SLC8A3: variants seen among roughly 807,000 people sequenced by gnomAD.
SLC8A3 encodes solute carrier family 8 member A3.
Under a neutral mutation model 65.4 loss-of-function variants are expected in SLC8A3, and 37 were observed. The observed-to-expected ratio is 0.57, with a 90% CI of 0.44 to 0.74. The LOEUF is 0.74. Ranked by LOEUF, SLC8A3 falls within the 30% of genes least tolerant of loss-of-function variation. The pLI is 0.00. For missense variants in SLC8A3, 1,112 were observed against 1,172.1 expected, an observed-to-expected ratio of 0.95 and a Z score of 0.75; for synonymous variants, 461 against 444.5, an observed-to-expected ratio of 1.04 and a Z score of -0.47.
chr14:70,133,850 G>A (rs949175613), intron 2 of SLC8A3, among the ~76,000 whole-genome samples: 2 of 152,144 alleles, frequency 1.3e-5, no homozygotes, highest in Non-Finnish European at 2.9e-5. Flanking sequence ...TTGGGTCAAT[G>A]GTGGGTTTCT....
intron 2 of SLC8A3, among the ~76,000 whole-genome samples, chr14:70,140,442 A>G (rs1054380315): frequency 2.0e-5 from 3 of 152,198 alleles, no homozygotes; most frequent in African/African-American, 7.2e-5. Context: ...CATGGCTCTG[A>G]ACTCCTGCAG....
At chr14:70,180,289 T>C (rs1223191622) in intron 1 of SLC8A3, among the ~76,000 whole-genome samples, 1 of 152,248 alleles carries the variant, frequency 6.6e-6, no homozygotes, top group East Asian at 1.9e-4. Flanking sequence ...TGTTGAAATA[T>C]GGAATTAAAT....
At chr14:70,050,023 G>T (rs227434) in intron 5 of SLC8A3, among the ~76,000 whole-genome samples, 85,385 of 152,124 alleles carry the variant, frequency 0.56, 25,613 homozygotes, top group African/African-American at 0.8. Context: ...AGAAGCTGGG[G>T]TTTGAAAGAA....
At chr14:70,072,595 GTCCATCCA>G (rs36178413) in intron 2 of SLC8A3, among the ~76,000 whole-genome samples, 9,992 of 149,690 alleles carry the variant, frequency 0.067, 334 homozygotes, top group African/African-American at 0.083. Context: ...CTATCTATCC[GTCCATCCA>G]TCCATCCATC....
chr14:70,142,809 G>A (rs779151744), intron 2 of SLC8A3, among the ~76,000 whole-genome samples: 3 of 152,084 alleles, frequency 2.0e-5, no homozygotes, highest in South Asian at 2.1e-4. Context: ...AGGTTCTGTC[G>A]TATGTATTGA....
chr14:70,092,642 C>T (rs1023947080), intron 2 of SLC8A3, among the ~76,000 whole-genome samples: 1 of 152,146 alleles, frequency 6.6e-6, no homozygotes, highest in African/African-American at 2.4e-5. Context: ...CCTAAATGTT[C>T]TCTGACAGTC....
intron 2 of SLC8A3, among the ~76,000 whole-genome samples, chr14:70,073,902 A>T (rs554170514): frequency 1.3e-5 from 2 of 152,228 alleles, no homozygotes; most frequent in Non-Finnish European, 2.9e-5. Context: ...GAGAAAGCCC[A>T]TATTTCTGGT....
At chr14:70,169,167 A>G (rs994392651) in intron 1 of SLC8A3, among the ~76,000 whole-genome samples, 6 of 152,274 alleles carry the variant, frequency 3.9e-5, no homozygotes, top group Admixed American at 3.9e-4. Flanking sequence ...TTGAAAACTG[A>G]GCTCCCTTGG....
intron 2 of SLC8A3, among the ~76,000 whole-genome samples, chr14:70,114,166 A>G (rs1204840339): frequency 6.6e-6 from 1 of 152,198 alleles, no homozygotes; most frequent in East Asian, 1.9e-4. Context: ...GGAAGAAATA[A>G]TTTGAGCAGG....
At chr14:70,055,303 A>G (rs1585376) in intron 3 of SLC8A3, among the ~76,000 whole-genome samples, 5,264 of 152,268 alleles carry the variant, frequency 0.035, 122 homozygotes, top group Admixed American at 0.051. Flanking sequence ...GATCTCCAGG[A>G]CTGGTAAAAT....
chr14:70,185,389 A>G (rs1398013711), intron 1 of SLC8A3, among the ~76,000 whole-genome samples: 1 of 152,262 alleles, frequency 6.6e-6, no homozygotes, highest in Admixed American at 6.5e-5. Context: ...GCCTACTATC[A>G]GTGCCCATAA....
At chr14:70,145,253 T>C (rs920636530) in intron 2 of SLC8A3, among the ~76,000 whole-genome samples, 5 of 152,232 alleles carry the variant, frequency 3.3e-5, no homozygotes, top group African/African-American at 9.6e-5. Flanking sequence ...TGAATAAGTA[T>C]TGGGGAAGAA....
At position 70,128,498 on chromosome 14, in the gene SLC8A3, A is replaced by G. The variant is rs572432261; in HGVS notation, c.1784+38141T>C. On this transcript the variant is annotated intron_variant, in intron 2 of 6. Transcript: ENST00000356921. Reference sequence around the variant, plus strand: ...CTTGACCAAAAATGTCCTTCCTTCCATACTACCATGACAAAGCCCTACTTT... The same window carrying G: ...CTTGACCAAAAATGTCCTTCCTTCCGTACTACCATGACAAAGCCCTACTTT... Among the ~76,000 whole-genome samples the G allele has an allele frequency of 2.0e-5, 3 of 152,274 alleles. No homozygotes were observed. The East Asian group carries it at 5.8e-4, about 29-fold the overall frequency.
At chr14:70,134,988 C>T (rs1895091004) in intron 2 of SLC8A3, among the ~76,000 whole-genome samples, 1 of 152,088 alleles carries the variant, frequency 6.6e-6, no homozygotes, top group Non-Finnish European at 1.5e-5. Flanking sequence ...AACTGGAGTC[C>T]TCATAAGAAG....
At chr14:70,077,388 A>G (rs1890631647) in intron 2 of SLC8A3, among the ~76,000 whole-genome samples, 1 of 152,210 alleles carries the variant, frequency 6.6e-6, no homozygotes, top group Non-Finnish European at 1.5e-5. Flanking sequence ...ATGCCTTTTC[A>G]GGGTAACATT....
intron 2 of SLC8A3, among the ~76,000 whole-genome samples, 161 bp from the exon 3 acceptor site, chr14:70,061,100 A>T (rs1329388125): frequency 6.6e-6 from 1 of 152,094 alleles, no homozygotes; most frequent in Non-Finnish European, 1.5e-5. Context: ...TGTTGTTCTC[A>T]GGTAATAAAT....
chr14:70,118,273 G>A (rs1893794410), intron 2 of SLC8A3, among the ~76,000 whole-genome samples: 2 of 152,100 alleles, frequency 1.3e-5, no homozygotes, highest in South Asian at 4.2e-4. Context: ...ACGCTCTCTG[G>A]GCCAGGCTAC....
At chr14:70,129,339 G>A (rs1239337772) in intron 2 of SLC8A3, among the ~76,000 whole-genome samples, 3 of 152,178 alleles carry the variant, frequency 2.0e-5, no homozygotes, top group Non-Finnish European at 4.4e-5. Flanking sequence ...AAATAACTCT[G>A]AGAAAACTTG....
In SLC8A3 at chr14:70,168,605, G is replaced by C. The variant is rs74062824; in HGVS notation, c.-62-121C>G. On this transcript the variant is annotated intron_variant, in intron 1 of 6. Coordinates refer to ENST00000356921, the MANE Select transcript of SLC8A3 (RefSeq NM_182932.3). ...ACATATTGCACTAACATATGGGGCA[G>C]TCTCTCACTTGGAAAAATAGATGTC... 6.9e-6 allele frequency: 4 copies of C among 579,684 alleles called. No homozygotes were observed. The East Asian group carries it at 1.1e-4, about 16-fold the overall frequency. The allele number at this position is 579,684 out of a possible 1,614,324, so 35.9% of individuals were successfully genotyped here.
Sources: gnomAD v4.1 joint callset for allele counts (sites outside exome capture counted in the v4.1 genomes callset) on GRCh38, gnomAD v4.1.1 for gene constraint, MANE v1.5 for transcripts, NCBI Gene and HGNC (gene_info 2026-07-23, HGNC 2026-07-21) for gene names.